The following MAGI1 variants were observed in gnomAD, a reference collection of about 807,000 sequenced individuals.
The protein encoded by MAGI1 is membrane associated guanylate kinase, WW and PDZ domain containing 1, also known as membrane-associated guanylate kinase, WW and PDZ domain-containing protein 1.
In MAGI1, 58 loss-of-function variants were observed where a neutral mutation model predicts 139.9. That is an observed-to-expected ratio of 0.41 (90% CI 0.34 to 0.52). MAGI1 has a LOEUF of 0.52. MAGI1 is among the 20% of genes least tolerant of loss of function. The pLI is 0.12. For synonymous variants in MAGI1, 812 were observed against 737.9 expected (o/e 1.10, Z -1.63); for missense variants, 1,874 against 1,901.6 (o/e 0.99, Z 0.27).
At chr3:65,822,017 T>C (rs185174726) in intron 1 of MAGI1, among the ~76,000 whole-genome samples, 269 of 152,320 alleles carry the variant, frequency 1.8e-3, no homozygotes, top group African/African-American at 6.2e-3. Context: ...ATCAAGTGCC[T>C]ATAACACCTA....
intron 1 of MAGI1, among the ~76,000 whole-genome samples, chr3:65,836,794 A>AAGAGAAAGAGAGAGAGAGACAG (rs2042831304): frequency 6.6e-6 from 1 of 152,120 alleles, no homozygotes; most frequent in African/African-American, 2.4e-5. Flanking sequence ...ATCAGAGAAA[A>AAGAGAAAGAGAGAGAGAGACAG]AGAGAAAGAG....
chr3:65,484,096 G>A (rs986765421), intron 3 of MAGI1, among the ~76,000 whole-genome samples: 20 of 152,126 alleles, frequency 1.3e-4, no homozygotes, highest in African/African-American at 4.6e-4. Flanking sequence ...CATTCTATAT[G>A]GCATACATCA....
At chr3:65,961,066 C>G (rs1410617412) in intron 1 of MAGI1, among the ~76,000 whole-genome samples, 1 of 152,196 alleles carries the variant, frequency 6.6e-6, no homozygotes, top group Non-Finnish European at 1.5e-5. Flanking sequence ...TTTCAACTAA[C>G]ATGAAATCCC....
chr3:65,574,174 T>C (rs922294945), intron 2 of MAGI1, among the ~76,000 whole-genome samples: 2 of 151,776 alleles, frequency 1.3e-5, no homozygotes, highest in African/African-American at 2.4e-5. Flanking sequence ...ATAGAAATTT[T>C]ATTTTTTATT....
chr3:65,648,688 GT>G (rs2085414591), intron 1 of MAGI1, among the ~76,000 whole-genome samples: 2 of 152,062 alleles, frequency 1.3e-5, no homozygotes, highest in African/African-American at 4.8e-5. Flanking sequence ...TCCCATGAAT[GT>G]TTTTTGTAGA....
At chr3:65,905,324 T>C (rs2061393841) in intron 1 of MAGI1, among the ~76,000 whole-genome samples, 1 of 152,116 alleles carries the variant, frequency 6.6e-6, no homozygotes, top group Non-Finnish European at 1.5e-5. Flanking sequence ...AAGACCCAAC[T>C]TTTAATTATT....
chr3:65,779,669 C>A (rs1368343311), intron 1 of MAGI1, among the ~76,000 whole-genome samples: 3 of 152,192 alleles, frequency 2.0e-5, no homozygotes, highest in African/African-American at 7.2e-5. Flanking sequence ...ATGAAAAGTT[C>A]TCCTGTGGCA....
intron 1 of MAGI1, among the ~76,000 whole-genome samples, chr3:65,703,287 A>G (rs2107619132): frequency 6.6e-6 from 1 of 152,330 alleles, no homozygotes; most frequent in African/African-American, 2.4e-5. Flanking sequence ...TGCTGGACGC[A>G]GGAGTAGGGT....
At chr3:65,453,485 G>C (rs1437377703) in intron 5 of MAGI1, 145 bp from the exon 6 acceptor site, 4 of 641,982 alleles carry the variant, frequency 6.2e-6, no homozygotes, top group African/African-American at 5.5e-5. Context: ...AACCAGAAGA[G>C]AGCCTGAGTT....
At chr3:65,518,935 G>A (rs1009972873) in intron 2 of MAGI1, among the ~76,000 whole-genome samples, 1 of 152,124 alleles carries the variant, frequency 6.6e-6, no homozygotes, top group African/African-American at 2.4e-5. Context: ...AGAAGTAGAA[G>A]TAGAATTACA....
At chr3:65,645,542 A>C (rs2085212199) in intron 1 of MAGI1, among the ~76,000 whole-genome samples, 1 of 152,200 alleles carries the variant, frequency 6.6e-6, no homozygotes, top group African/African-American at 2.4e-5. Flanking sequence ...AAAGATGACT[A>C]GAGAAGTTCT....
At chr3:65,599,087 A>T (rs1310570532) in intron 2 of MAGI1, among the ~76,000 whole-genome samples, 2 of 152,142 alleles carry the variant, frequency 1.3e-5, no homozygotes, top group African/African-American at 4.8e-5. Context: ...AGGAGGAGAT[A>T]AAGGGGCTGC....
At chr3:65,730,472 G>A (rs1432239514) in intron 1 of MAGI1, among the ~76,000 whole-genome samples, 1 of 152,184 alleles carries the variant, frequency 6.6e-6, no homozygotes, top group Non-Finnish European at 1.5e-5. Context: ...TACTAAGGAA[G>A]GGAATCTCTT....
At chr3:65,388,232 T>C (rs143182157) in intron 14 of MAGI1, among the ~76,000 whole-genome samples, 20 of 152,336 alleles carry the variant, frequency 1.3e-4, no homozygotes, top group Non-Finnish European at 2.6e-4. Flanking sequence ...ATATGGTACA[T>C]TGCAACACAT....
intron 2 of MAGI1, among the ~76,000 whole-genome samples, chr3:65,538,980 C>T (rs1367539338): frequency 8.5e-6 from 1 of 118,230 alleles, no homozygotes; most frequent in Non-Finnish European, 2.0e-5. Context: ...ACACATATAC[C>T]AACTACCATC....
intron 7 of MAGI1, among the ~76,000 whole-genome samples, chr3:65,443,759 G>A (rs1001856851): frequency 6.6e-6 from 1 of 152,078 alleles, no homozygotes; most frequent in African/African-American, 2.4e-5. Flanking sequence ...CCTGATACAC[G>A]TAGTCAAGGC....
chr3:65,618,138 T>A (rs142519657), intron 2 of MAGI1, among the ~76,000 whole-genome samples: 1 of 152,140 alleles, frequency 6.6e-6, no homozygotes, highest in Non-Finnish European at 1.5e-5. Flanking sequence ...GAAAAAATAA[T>A]ATGTACTCAT....
At chr3:65,436,191 T>C (rs1250905377) in intron 10 of MAGI1, among the ~76,000 whole-genome samples, 1 of 151,822 alleles carries the variant, frequency 6.6e-6, no homozygotes, top group African/African-American at 2.4e-5. Flanking sequence ...AAAATTATAA[T>C]GAATTAAAAT....
intron 21 of MAGI1, among the ~76,000 whole-genome samples, chr3:65,361,588 G>A (rs1044040608): frequency 2.6e-5 from 4 of 152,218 alleles, no homozygotes; most frequent in African/African-American, 9.6e-5. Context: ...AATGGTTGGG[G>A]TAGGCAGCTT....
Sources: allele counts gnomAD v4.1 joint callset (sites outside exome capture counted in the v4.1 genomes callset), GRCh38; gene constraint gnomAD v4.1.1; transcripts MANE v1.5; gene names NCBI Gene and HGNC (gene_info 2026-07-23, HGNC 2026-07-21).